The following NOL4L variants were observed in gnomAD, a reference collection of about 807,000 sequenced individuals.
NOL4L encodes nucleolar protein 4 like, also known as nucleolar protein 4-like.
In NOL4L, 7 loss-of-function variants were observed where a neutral mutation model predicts 64.5. The ratio of observed to expected loss-of-function variants is 0.11; its 90% CI spans 0.06 to 0.20. NOL4L has a LOEUF of 0.20. Ranked by LOEUF, NOL4L falls within the 10% of genes least tolerant of loss-of-function variation. NOL4L has a pLI of 1.00. For synonymous variants in NOL4L, 413 were observed against 401.0 expected, an observed-to-expected ratio of 1.03 and a Z score of -0.36; for missense variants, 680 against 967.1, an observed-to-expected ratio of 0.70 and a Z score of 3.94.
intron 5 of NOL4L, among the ~76,000 whole-genome samples, chr20:32,474,068 G>A (rs917443648): frequency 6.6e-6 from 1 of 152,214 alleles, no homozygotes; most frequent in Non-Finnish European, 1.5e-5. Flanking sequence ...CAGGCCCTGC[G>A]CGGAGGCGGT....
chr20:32,478,273 A>ACACTCTCT lies in NOL4L; in HGVS notation c.700-3532_700-3531insAGAGAGTG, dbSNP rs1373957221. On this transcript the variant is annotated intron_variant, in intron 4 of 10. Transcript: ENST00000621426. The stretch of plus-strand genomic sequence containing the variant: ...CACACACACACACACACACACACAC[A>ACACTCTCT]CTCTCTCTCTCTCTCTCTCATGCAT... Among the ~76,000 whole-genome samples, 406 of 143,414 alleles carry ACACTCTCT rather than the reference A, an allele frequency of 2.8e-3. 3 individuals carry two copies. The highest frequency in any genetic ancestry group is 0.01 in the African/African-American group (382 of 37,988). 94.1% of individuals were successfully genotyped at this position (143,414 alleles called of 152,430 possible).
chr20:32,549,712 C>G (rs1280537877), intron 1 of NOL4L, among the ~76,000 whole-genome samples: 1 of 152,178 alleles, frequency 6.6e-6, no homozygotes, highest in Non-Finnish European at 1.5e-5. Flanking sequence ...GAGATCGCGC[C>G]ATTGCACTCT....
intron 5 of NOL4L, among the ~76,000 whole-genome samples, chr20:32,469,336 T>A (rs540735460): frequency 2.6e-5 from 4 of 151,802 alleles, no homozygotes; most frequent in Admixed American, 6.6e-5. Context: ...ATTTTTCATT[T>A]TCTTTTTTCC....
chr20:32,535,672 G>C (rs898477168), intron 1 of NOL4L: 1 of 985,346 alleles, frequency 1.0e-6, no homozygotes. Flanking sequence ...CGCTACATTT[G>C]AGGATGTCAT....
chr20:32,475,116 C>T (rs2015304048), intron 4 of NOL4L: 11 of 985,346 alleles, frequency 1.1e-5, no homozygotes, highest in Non-Finnish European at 1.3e-5. Flanking sequence ...GCTCACTCTG[C>T]ACAGGACCCG....
chr20:32,505,727 A>T (rs1444792752), intron 4 of NOL4L, among the ~76,000 whole-genome samples: 2 of 152,196 alleles, frequency 1.3e-5, no homozygotes, highest in Non-Finnish European at 2.9e-5. Context: ...AAAAACTAAC[A>T]AAAAGGAATA....
chr20:32,579,481 C>A (rs1338065195), intron 1 of NOL4L, among the ~76,000 whole-genome samples: 5 of 152,192 alleles, frequency 3.3e-5, no homozygotes. Flanking sequence ...CCCCCAGCCA[C>A]AGGCTCCCCA....
At position 32,578,085 on chromosome 20, in the gene NOL4L, A is replaced by G. The variant is rs540308198; in HGVS notation, c.321+6485T>C. Among the ~76,000 whole-genome samples the G allele has an allele frequency of 1.6e-3, 224 of 141,748 alleles. 2 individuals are homozygous for G. The highest frequency in any genetic ancestry group is 2.2e-3 in the Non-Finnish European group (142 of 64,704). 93.0% of individuals were successfully genotyped at this position (141,748 alleles called of 152,430 possible). On this transcript the variant is annotated intron_variant, in intron 1 of 10. Coordinates refer to ENST00000621426, the MANE Select transcript of NOL4L (RefSeq NM_001256798.2). ...GAGGCGGAGGTTGCAGTAAGCCAAT[A>G]TTGCGTCAAAAAAGAAAGAGAGAAA... is the stretch of plus-strand genomic sequence containing the variant.
intron 1 of NOL4L, among the ~76,000 whole-genome samples, chr20:32,570,247 G>A (rs547286759): frequency 9.9e-5 from 15 of 152,202 alleles, no homozygotes; most frequent in African/African-American, 3.1e-4. Flanking sequence ...CAATGACACC[G>A]TCATTCCCAA....
At chr20:32,511,161 C>A (rs1389389652) in intron 4 of NOL4L, 186 bp downstream of exon 4, 2 of 541,282 alleles carry the variant, frequency 3.7e-6, no homozygotes, top group South Asian at 2.4e-5. Flanking sequence ...GCACAGGAGA[C>A]CCTCTCACGA....
At chr20:32,547,745 G>A (rs2018750549) in intron 1 of NOL4L, among the ~76,000 whole-genome samples, 1 of 152,116 alleles carries the variant, frequency 6.6e-6, no homozygotes, top group African/African-American at 2.4e-5. Flanking sequence ...CCTGTCAAAT[G>A]CCATCCCAAA....
In NOL4L at chr20:32,446,530, C is replaced by T. The variant is rs1444199066; in HGVS notation, c.*1066G>A. On this transcript the variant is annotated 3_prime_UTR_variant, in exon 11 of 11. Transcript: ENST00000621426. ...CCAGGCCTGTGCACAGAAGTTCAGACCTGGCTCCTGGGCAGCGGGGTGTGA... is the reference window on the plus strand; with the variant it reads ...CCAGGCCTGTGCACAGAAGTTCAGATCTGGCTCCTGGGCAGCGGGGTGTGA... The T allele has an allele frequency of 6.6e-6, 1 of 152,440 alleles. No homozygotes were observed. Among genetic ancestry groups the T allele is most frequent in the Non-Finnish European group, 1.5e-5 (1 of 68,238 alleles). The allele number at this position is 152,440 out of a possible 1,614,324, so 9.4% of individuals were successfully genotyped here.
At chr20:32,584,468 G>A (rs1980761940) in intron 1 of NOL4L, 102 bp downstream of exon 1, 4 of 970,616 alleles carry the variant, frequency 4.1e-6, no homozygotes, top group South Asian at 3.7e-5. Flanking sequence ...ACAACCTCAG[G>A]GACACACGTT....
chr20:32,514,231 C>T (rs961742388), intron 3 of NOL4L, among the ~76,000 whole-genome samples: 1 of 152,210 alleles, frequency 6.6e-6, no homozygotes, highest in African/African-American at 2.4e-5. Flanking sequence ...GTGGCTCACA[C>T]CTGTAATCCC....
In NOL4L at chr20:32,460,959, C is replaced by T. The variant is rs895893145; in HGVS notation, c.842-4564G>A. Among the ~76,000 whole-genome samples, 8 of 152,248 alleles carry T rather than the reference C, an allele frequency of 5.3e-5. No homozygotes were observed. The highest frequency in any genetic ancestry group is 1.2e-4 in the Non-Finnish European group (8 of 68,038). ...TCTGTGCTAACCCGAGCACCACCAC[C>T]TCAGGGAAGCCCTCCCTACCTGCCC... On this transcript the variant is annotated intron_variant, in intron 5 of 10. Coordinates refer to ENST00000621426, the MANE Select transcript of NOL4L (RefSeq NM_001256798.2). The surrounding 1 kb of genome is among the most constrained non-coding windows in gnomAD (Gnocchi z 5.7).
At chr20:32,468,213 C>CA (rs2014714609) in intron 5 of NOL4L, among the ~76,000 whole-genome samples, 1 of 152,154 alleles carries the variant, frequency 6.6e-6, no homozygotes, top group South Asian at 2.1e-4. Flanking sequence ...TACAGGATGC[C>CA]ACATATTGGG....
chr20:32,482,120 T>C (rs1165675423), intron 4 of NOL4L, among the ~76,000 whole-genome samples: 1 of 152,080 alleles, frequency 6.6e-6, no homozygotes, highest in African/African-American at 2.4e-5. Flanking sequence ...AGGTTATTCA[T>C]CTCCCCTCAG....
At chr20:32,558,334 G>A (rs547028307) in intron 1 of NOL4L, among the ~76,000 whole-genome samples, 2 of 152,230 alleles carry the variant, frequency 1.3e-5, no homozygotes, top group South Asian at 2.1e-4. Flanking sequence ...AATCCGCATC[G>A]TAATCTAACC....
chr20:32,557,379 T>C (rs1978725584), intron 1 of NOL4L, among the ~76,000 whole-genome samples: 1 of 152,262 alleles, frequency 6.6e-6, no homozygotes, highest in East Asian at 1.9e-4. Context: ...TTGGTCCCTA[T>C]TTACTGCTTA....
Sources: gnomAD v4.1 joint callset for allele counts (sites outside exome capture counted in the v4.1 genomes callset) on GRCh38, gnomAD v4.1.1 for gene constraint, Gnocchi (gnomAD v3.1) non-coding constraint, MANE v1.5 for transcripts, NCBI Gene and HGNC (gene_info 2026-07-23, HGNC 2026-07-21) for gene names.